CEMIP: variants seen among roughly 807,000 people sequenced by gnomAD.
The protein encoded by CEMIP is cell migration inducing hyaluronidase 1, also known as cell migration-inducing and hyaluronan-binding protein.
A neutral mutation model predicts 156.9 loss-of-function variants in CEMIP; 105 were observed. The ratio of observed to expected loss-of-function variants is 0.67; its 90% CI spans 0.57 to 0.79. The LOEUF (loss-of-function observed/expected upper bound fraction) is 0.79, where lower values mean the gene tolerates loss of function less well. Among genes scored for constraint, CEMIP ranks in the 30% least tolerant of loss-of-function variants. The pLI is 0.00. For synonymous variants in CEMIP, 676 were observed against 668.4 expected (o/e 1.01, Z -0.17); for missense variants, 1,457 against 1,769.4 (o/e 0.82, Z 3.17).
intron 1 of CEMIP, among the ~76,000 whole-genome samples, chr15:80,816,630 G>A (rs1001742677): frequency 6.6e-6 from 1 of 152,098 alleles, no homozygotes; most frequent in African/African-American, 2.4e-5. Context: ...CATCTCCACT[G>A]AATGATCTCC....
At position 80,880,995 on chromosome 15, in the gene CEMIP, T is replaced by G; in HGVS notation, c.476T>G (p.Leu159Arg). The change falls in exon 6 of 30, where the codon CTC (leucine) becomes CGC (arginine). Residue 159 changes from leucine (L) to arginine (R), a missense_variant. Physicochemically the swap from Leu to Arg is moderately radical, Grantham distance 102. Around this residue, in one of 5 missense-constraint regions of CEMIP, gnomAD observed 309 missense variants for 340.8 expected, o/e 0.91. Transcript: ENST00000394685. Reference protein sequence around the residue: ...GALELHGQKKLSWTFLNKTLH... With the variant: ...GALELHGQKKRSWTFLNKTLH... ...CTTGAGTTGCATGGACAGAAAAAGC[T>G]CTCCTGGACATTTCTGAACAAGACC... 6.2e-7 allele frequency: 1 copy of G among 1,614,136 alleles called. No individual in the cohort carries two copies. The highest frequency in any genetic ancestry group is 8.5e-7 in the Non-Finnish European group (1 of 1,180,022).
At chr15:80,851,477 T>C (rs1567069425) in intron 1 of CEMIP, among the ~76,000 whole-genome samples, 1 of 152,204 alleles carries the variant, frequency 6.6e-6, no homozygotes, top group Non-Finnish European at 1.5e-5. Flanking sequence ...GTAGTTCATG[T>C]TCTAGCATGG....
intron 13 of CEMIP, among the ~76,000 whole-genome samples, chr15:80,908,538 A>T (rs1899903394): frequency 6.6e-6 from 1 of 152,158 alleles, no homozygotes; most frequent in Non-Finnish European, 1.5e-5. Context: ...GGGTCTATGC[A>T]TATCGTGAAG....
intron 1 of CEMIP, among the ~76,000 whole-genome samples, chr15:80,825,118 A>G (rs1217209890): frequency 1.3e-5 from 2 of 152,160 alleles, no homozygotes; most frequent in Non-Finnish European, 2.9e-5. Flanking sequence ...CATCTTACCT[A>G]TGGGCTGTCA....
chr15:80,810,161 A>G (rs192801658), intron 1 of CEMIP, among the ~76,000 whole-genome samples: 3 of 152,194 alleles, frequency 2.0e-5, no homozygotes, highest in African/African-American at 7.2e-5. Context: ...TTTTTTCTTA[A>G]CTAATAATAT....
intron 2 of CEMIP, 36 bp downstream of exon 2, chr15:80,873,732 T>A: frequency 1.5e-6 from 1 of 677,954 alleles, no homozygotes; most frequent in Non-Finnish European, 2.6e-6. Context: ...GCTGGCTGAG[T>A]GTGCCCATTC....
At chr15:80,796,692 C>T (rs531617851) in intron 1 of CEMIP, among the ~76,000 whole-genome samples, 1 of 151,964 alleles carries the variant, frequency 6.6e-6, no homozygotes, top group East Asian at 1.9e-4. Flanking sequence ...ACCATTTATT[C>T]AGCAAACGTT....
rs1401591771 is a variant in CEMIP, at chr15:80,932,530, G to C, written c.2793+491G>C. 2.0e-5 allele frequency among the ~76,000 whole-genome samples: 3 copies of C among 152,154 alleles called. No individual in the cohort carries two copies. The East Asian group carries it at 5.8e-4, about 29-fold the overall frequency. Reference sequence around the variant, plus strand: ...GCAGAAGAGGGGCGGAGGATTAGGAGATCAGGAGCAAGGGCTGCCCTGTGA... The same window carrying C: ...GCAGAAGAGGGGCGGAGGATTAGGACATCAGGAGCAAGGGCTGCCCTGTGA... On this transcript the variant is annotated intron_variant, in intron 22 of 29. Transcript: ENST00000394685. The surrounding 1 kb of genome is among the most constrained non-coding windows in gnomAD (Gnocchi z 4.5).
At chr15:80,797,535 C>T (rs1319795985) in intron 1 of CEMIP, among the ~76,000 whole-genome samples, 10 of 152,190 alleles carry the variant, frequency 6.6e-5, no homozygotes, top group Non-Finnish European at 8.8e-5. Context: ...ACAAGGGAGG[C>T]TAATGCATTC....
intron 5 of CEMIP, 124 bp downstream of exon 5, chr15:80,879,978 C>A: frequency 9.2e-7 from 1 of 1,085,542 alleles, no homozygotes; most frequent in Non-Finnish European, 1.4e-6. Context: ...TCTGTCCTGC[C>A]AGATGGGGAT....
intron 1 of CEMIP, among the ~76,000 whole-genome samples, chr15:80,780,398 A>C (rs1429435293): frequency 6.6e-6 from 1 of 152,166 alleles, no homozygotes. Context: ...CTGGGAACGA[A>C]GGCCAGTGAC....
rs746378714 is a variant in CEMIP, at chr15:80,925,758, G to T, written c.2420+3G>T. 1.9e-5 allele frequency: 30 copies of T among 1,611,862 alleles called. No homozygotes were observed. The South Asian group carries it at 3.2e-4, about 17-fold the overall frequency. ...GATGTGTGGCTGGACAGCTGCCGGT[G>T]AGTCAGAGCGGCGTGTGGCTTTGGC... On this transcript the variant is annotated splice_donor_region_variant and intron_variant, in intron 19 of 29. Transcript: ENST00000394685.
rs1901193733 is a variant in CEMIP, at chr15:80,937,923, C to T, written c.3351C>T (p.Asp1117=). The T allele has an allele frequency of 6.2e-7, 1 of 1,614,206 alleles. No individual in the cohort carries two copies. The highest frequency in any genetic ancestry group is 8.5e-7 in the Non-Finnish European group (1 of 1,180,032). ...TGVFVRTLQM[D]KVEQSYPGRS... is the part of the protein sequence containing the mutation. ...TCTTCGTGAGGACCTTGCAGATGGA[C>T]AAAGTGGAGCAGAGCTACCCTGGCA... Residue 1117 remains aspartate, a synonymous_variant, in exon 25 of 30, where the codon GAC becomes GAT. Transcript: ENST00000394685.
At chr15:80,861,797 T>C (rs1897994034) in intron 1 of CEMIP, among the ~76,000 whole-genome samples, 1 of 152,242 alleles carries the variant, frequency 6.6e-6, no homozygotes, top group Non-Finnish European at 1.5e-5. Context: ...CTACAATCAC[T>C]TACCAAGTCA....
At chr15:80,917,287 GGGCAGGA>G (rs3974340) in intron 14 of CEMIP, among the ~76,000 whole-genome samples, 110,399 of 150,916 alleles carry the variant, frequency 0.73, 43,599 homozygotes, top group Non-Finnish European at 0.87. Context: ...AAAGAGCTAT[GGGCAGGA>G]GGCAGGAGGC....
chr15:80,801,740 A>G (rs924018106), intron 1 of CEMIP, among the ~76,000 whole-genome samples: 1 of 152,226 alleles, frequency 6.6e-6, no homozygotes, highest in African/African-American at 2.4e-5. Context: ...CTGTAGTACA[A>G]TTGGCCTTCC....
At chr15:80,947,368 G>A (rs560966512) in intron 29 of CEMIP, 12 of 388,652 alleles carry the variant, frequency 3.1e-5, no homozygotes, top group African/African-American at 2.2e-4. Flanking sequence ...AGTATCATAA[G>A]AAAAGTGGCT....
chr15:80,839,204 C>T (rs886789422), intron 1 of CEMIP, among the ~76,000 whole-genome samples: 17 of 151,846 alleles, frequency 1.1e-4, no homozygotes, highest in African/African-American at 4.1e-4. Context: ...TCTCCTCAGC[C>T]AGCAGGAATC....
At position 80,881,021 on chromosome 15, in the gene CEMIP, C is replaced by G. The variant is rs1456950175; in HGVS notation, c.502C>G (p.Leu168Val). The G allele has an allele frequency of 4.3e-6, 7 of 1,614,106 alleles. No homozygotes were observed. Among genetic ancestry groups the G allele is most frequent in the Non-Finnish European group, 5.1e-6 (6 of 1,180,036 alleles). Residue 168 changes from leucine (L) to valine (V), a missense_variant, in exon 6 of 30, where the codon CTT (leucine) becomes GTT (valine). By Grantham distance (32) the Leu-to-Val change is conservative. Transcript: ENST00000394685. ...KLSWTFLNKT[L>V]HPGGMAEGGY... ...CTCCTGGACATTTCTGAACAAGACC[C>G]TTCACCCAGGTGGCATGGCAGAAGG...
Sources: allele counts gnomAD v4.1 joint callset (sites outside exome capture counted in the v4.1 genomes callset), GRCh38; gene constraint gnomAD v4.1.1; regional missense constraint gnomAD v4.1.1; non-coding constraint Gnocchi (gnomAD v3.1); transcripts MANE v1.5; gene names NCBI Gene and HGNC (gene_info 2026-07-23, HGNC 2026-07-21).